Variants in AGBL1 observed in about 807,000 individuals in gnomAD.
AGBL1 encodes the protein cytosolic carboxypeptidase 4.
In AGBL1, 130 loss-of-function variants were observed where a neutral mutation model predicts 118.9. That is an observed-to-expected ratio of 1.09 (90% CI 0.95 to 1.26). The LOEUF is 1.26. AGBL1 is among the 50% of genes most tolerant of loss of function. AGBL1 has a pLI of 0.00. For missense variants in AGBL1, 1,584 were observed against 1,298.1 expected (o/e 1.22, Z -3.38); for synonymous variants, 555 against 478.9 (o/e 1.16, Z -2.08).
chr15:87,015,351 C>T (rs1865187), intron 24 of AGBL1, among the ~76,000 whole-genome samples: 15,670 of 152,024 alleles, frequency 0.1, 1,616 homozygotes, highest in African/African-American at 0.27. Flanking sequence ...TATCTTTCTG[C>T]CTGTCTGTCT....
At chr15:86,561,423 C>T (rs542312567) in intron 21 of AGBL1, among the ~76,000 whole-genome samples, 3 of 152,208 alleles carry the variant, frequency 2.0e-5, no homozygotes, top group South Asian at 2.1e-4. Flanking sequence ...GAATCTTTTC[C>T]CCATTGCTTT....
Position 86,674,450 on chromosome 15 carries a change from A to C in AGBL1, c.3158+14A>C. On this transcript the variant is annotated intron_variant, in intron 22 of 22. Coordinates refer to ENST00000614907, the MANE Select transcript of AGBL1 (RefSeq NM_001386094.1). The stretch of plus-strand genomic sequence containing the variant: ...GCACCTCCAACGGTAAGATGCTCCC[A>C]AGGGCTCAGAGAAATTTGGACCTTG... The C allele has an allele frequency of 6.3e-7, 1 of 1,594,486 alleles. No individual in the cohort carries two copies. The highest frequency in any genetic ancestry group is 1.3e-5 in the African/African-American group (1 of 74,606).
chr15:86,404,212 A>G (rs1046257735), intron 18 of AGBL1, among the ~76,000 whole-genome samples: 1 of 152,138 alleles, frequency 6.6e-6, no homozygotes, highest in African/African-American at 2.4e-5. Context: ...GATTTCTGCT[A>G]TTCTTGCCCG....
Position 86,554,359 on chromosome 15 carries a change from A to T in AGBL1, c.2818-2A>T. 6.4e-7 allele frequency: 1 copy of T among 1,570,564 alleles called. No homozygotes were observed. The highest frequency in any genetic ancestry group is 1.9e-5 in the Admixed American group (1 of 52,280). On this transcript the variant is annotated splice_acceptor_variant, in intron 20 of 22. Transcript: ENST00000614907. LOFTEE classifies it high-confidence loss of function. The stretch of plus-strand genomic sequence containing the variant: ...ATCGTTTGATTTTTGTTTTTACTGT[A>T]GACTCTTCCCAAAATCCTTGATAAG...
At chr15:86,921,132 C>A (rs2080478016), downstream of AGBL1, among the ~76,000 whole-genome samples, 2 of 152,018 alleles carry the variant, frequency 1.3e-5, no homozygotes, top group African/African-American at 4.8e-5. Context: ...TTGGTTTGAC[C>A]AAAAAAGTTG....
intron 21 of AGBL1, among the ~76,000 whole-genome samples, chr15:86,555,713 G>T (rs939154124): frequency 2.0e-5 from 3 of 152,106 alleles, no homozygotes; most frequent in African/African-American, 7.2e-5. Flanking sequence ...TCACTTACCA[G>T]CAGTGTTGAA....
At chr15:86,776,258 A>G (rs1053099114) in intron 22 of AGBL1, among the ~76,000 whole-genome samples, 1 of 152,112 alleles carries the variant, frequency 6.6e-6, no homozygotes, top group Non-Finnish European at 1.5e-5. Context: ...TTTGCCTTGT[A>G]TAAAAGTTCT....
intron 18 of AGBL1, among the ~76,000 whole-genome samples, chr15:86,429,162 G>A (rs916997993): frequency 2.0e-5 from 3 of 152,230 alleles, no homozygotes; most frequent in Non-Finnish European, 2.9e-5. Context: ...AGAATAGCAA[G>A]TAGAGTGCTC....
rs559745043 is a variant in AGBL1, at chr15:86,764,851, G to T, written c.3158+90415G>T. Among the ~76,000 whole-genome samples, 8 of 152,098 alleles carry T rather than the reference G, an allele frequency of 5.3e-5. No homozygotes were observed. The South Asian group carries it at 1.0e-3, about 20-fold the overall frequency. On this transcript the variant is annotated intron_variant, in intron 22 of 22. Transcript: ENST00000614907. ...GCCACCTTTGAGCTGGGTGAATGTAGATTATACAGAAATCACTTGATTAAT... is the reference window on the plus strand; with the variant it reads ...GCCACCTTTGAGCTGGGTGAATGTATATTATACAGAAATCACTTGATTAAT...
At chr15:87,010,003 A>G (rs182826349) in intron 24 of AGBL1, among the ~76,000 whole-genome samples, 40 of 152,294 alleles carry the variant, frequency 2.6e-4, no homozygotes, top group Admixed American at 2.3e-3. Context: ...TATTGAGTTA[A>G]TGCTGAAATG....
intron 22 of AGBL1, among the ~76,000 whole-genome samples, chr15:86,693,733 T>C (rs776726588): frequency 2.0e-5 from 3 of 152,118 alleles, no homozygotes; most frequent in Non-Finnish European, 4.4e-5. Context: ...TTTCAGGTCT[T>C]AGATTTAAGT....
intron 22 of AGBL1, among the ~76,000 whole-genome samples, chr15:86,852,785 T>C (rs2079425522): frequency 6.6e-6 from 1 of 152,122 alleles, no homozygotes; most frequent in Non-Finnish European, 1.5e-5. Context: ...GTAGATCCCT[T>C]ATCTCCTACC....
chr15:86,238,472 T>C (rs1400804798), intron 6 of AGBL1, among the ~76,000 whole-genome samples: 1 of 152,228 alleles, frequency 6.6e-6, no homozygotes, highest in Non-Finnish European at 1.5e-5. Flanking sequence ...TGTATGTTTA[T>C]TTGCATCTAA....
At chr15:86,436,153 A>G (rs10520628) in intron 18 of AGBL1, among the ~76,000 whole-genome samples, 1,888 of 133,592 alleles carry the variant, frequency 0.014, 37 homozygotes, top group Middle Eastern at 0.035. Context: ...CCTTGCATGC[A>G]TATAGAAAAT....
intron 24 of AGBL1, among the ~76,000 whole-genome samples, chr15:87,014,171 C>T (rs1170263960): frequency 1.3e-5 from 2 of 152,124 alleles, no homozygotes; most frequent in Non-Finnish European, 2.9e-5. Context: ...TTTAGAAAGT[C>T]TTAAGTTTTA....
At chr15:86,465,616 G>A (rs1596148487) in intron 18 of AGBL1, among the ~76,000 whole-genome samples, 1 of 152,146 alleles carries the variant, frequency 6.6e-6, no homozygotes, top group African/African-American at 2.4e-5. Context: ...TAAACTGGCC[G>A]CTCTGGATGT....
At chr15:86,216,108 C>T (rs1233750828) in intron 5 of AGBL1, among the ~76,000 whole-genome samples, 2 of 152,154 alleles carry the variant, frequency 1.3e-5, no homozygotes, top group African/African-American at 4.8e-5. Flanking sequence ...GTTATCATGG[C>T]CACCTTGCAA....
intron 5 of AGBL1, among the ~76,000 whole-genome samples, chr15:86,190,760 AT>A (rs1318500232): frequency 6.6e-6 from 1 of 152,214 alleles, no homozygotes; most frequent in African/African-American, 2.4e-5. Context: ...ATTTAACGAC[AT>A]TTATGTAGAA....
intron 17 of AGBL1, among the ~76,000 whole-genome samples, chr15:86,355,550 T>G (rs1160853128): frequency 3.3e-5 from 5 of 152,246 alleles, no homozygotes; most frequent in African/African-American, 1.2e-4. Context: ...TCTTCAGCCT[T>G]CACCCAAGCT....
Sources: allele counts gnomAD v4.1 joint callset (sites outside exome capture counted in the v4.1 genomes callset), GRCh38; gene constraint gnomAD v4.1.1; transcripts MANE v1.5; gene names NCBI Gene and HGNC (gene_info 2026-07-23, HGNC 2026-07-21).